The following UBE2W variants were observed in gnomAD, a reference collection of about 807,000 sequenced individuals.
The protein encoded by UBE2W is ubiquitin-conjugating enzyme E2 W.
Under a neutral mutation model 27.2 loss-of-function variants are expected in UBE2W, and 18 were observed. The observed-to-expected ratio is 0.66, with a 90% CI of 0.46 to 0.98. The LOEUF (loss-of-function observed/expected upper bound fraction) is 0.98, where lower values mean the gene tolerates loss of function less well. Ranked by LOEUF, UBE2W falls within the 50% of genes least tolerant of loss-of-function variation. The pLI is 0.00. For missense variants in UBE2W, 90 were observed against 180.2 expected (o/e 0.50, Z 2.87); for synonymous variants, 53 against 57.2 (o/e 0.93, Z 0.33).
downstream of UBE2W, among the ~76,000 whole-genome samples, chr8:73,782,333 T>C (rs1807861921): frequency 1.3e-5 from 2 of 152,160 alleles, 1 homozygote; most frequent in South Asian, 4.1e-4. Flanking sequence ...TATACCTCTG[T>C]GAAACCAAGA....
chr8:73,866,056 T>A (rs1177640140), intron 1 of UBE2W, among the ~76,000 whole-genome samples: 1 of 151,880 alleles, frequency 6.6e-6, no homozygotes, highest in African/African-American at 2.4e-5. Flanking sequence ...GGCAGGTGGA[T>A]CATGAGGTCA....
At chr8:73,813,083 C>CA (rs56094830) in intron 3 of UBE2W, among the ~76,000 whole-genome samples, 2,167 of 43,398 alleles carry the variant, frequency 0.05, 453 homozygotes, top group Admixed American at 0.06. Context: ...GAAAGTGCCA[C>CA]AAAAAAAAAA....
chr8:73,862,517 G>C (rs1475005763), intron 1 of UBE2W, among the ~76,000 whole-genome samples: 3 of 151,380 alleles, frequency 2.0e-5, no homozygotes, highest in African/African-American at 7.3e-5. Context: ...ATAGGCATGG[G>C]CAAGGACTTC....
At chr8:73,802,857 A>G (rs1808704559) in intron 5 of UBE2W, among the ~76,000 whole-genome samples, 1 of 152,064 alleles carries the variant, frequency 6.6e-6, no homozygotes, top group Non-Finnish European at 1.5e-5. Context: ...CCCCGTCTCT[A>G]CTAAAAATAC....
At position 73,788,709 on chromosome 8, in the gene UBE2W, T is replaced by C. The variant is rs1327898384; in HGVS notation, c.*5393A>G. ...CATTTTGAAATCATGCTTTTGCCTTTGAGAAAACAACTTAGAATTGTTGTA... is the reference window on the plus strand; with the variant it reads ...CATTTTGAAATCATGCTTTTGCCTTCGAGAAAACAACTTAGAATTGTTGTA... On this transcript the variant is annotated 3_prime_UTR_variant, in exon 6 of 6. Transcript: ENST00000602593. 1 of 985,270 alleles carries C rather than the reference T, an allele frequency of 1.0e-6. No homozygotes were observed. The highest frequency in any genetic ancestry group is 1.7e-5 in the African/African-American group (1 of 57,228). 61.0% of individuals were successfully genotyped at this position (985,270 alleles called of 1,614,324 possible).
rs188195936 is a variant in UBE2W, at chr8:73,839,992, T to C, written c.16-9520A>G. The stretch of plus-strand genomic sequence containing the variant: ...CTCCAGTGATCCACCTGCCTTGGCC[T>C]CCCAAAGCACTGGGATTACAGGTGT... On this transcript the variant is annotated intron_variant, in intron 1 of 5. Transcript: ENST00000602593. Among the ~76,000 whole-genome samples the C allele has an allele frequency of 1.6e-4, 24 of 152,096 alleles. 1 individual carries two copies. The highest frequency in any genetic ancestry group is 1.5e-3 in the Admixed American group (23 of 15,270).
chr8:73,799,830 G>A (rs752760778), intron 5 of UBE2W, among the ~76,000 whole-genome samples: 5 of 152,098 alleles, frequency 3.3e-5, no homozygotes, highest in Non-Finnish European at 7.3e-5. Context: ...AGTCACATAA[G>A]GAAACTGGCC....
chr8:73,866,088 C>T (rs974584216), intron 1 of UBE2W, among the ~76,000 whole-genome samples: 1 of 151,578 alleles, frequency 6.6e-6, no homozygotes, highest in African/African-American at 2.4e-5. Flanking sequence ...CCATCCTGGC[C>T]AACATGGTGA....
chr8:73,850,983 C>T (rs1009613609), intron 1 of UBE2W, among the ~76,000 whole-genome samples: 5 of 151,936 alleles, frequency 3.3e-5, no homozygotes, highest in African/African-American at 1.2e-4. Context: ...CCTCAGCCTC[C>T]CAAGTAGCTG....
intron 1 of UBE2W, among the ~76,000 whole-genome samples, chr8:73,872,438 G>A (rs1812040066): frequency 6.6e-6 from 1 of 152,140 alleles, no homozygotes; most frequent in African/African-American, 2.4e-5. Flanking sequence ...TTTTCTTGCT[G>A]CATGCGTTTG....
intron 1 of UBE2W, among the ~76,000 whole-genome samples, chr8:73,854,486 T>G (rs1811205206): frequency 6.6e-6 from 1 of 152,250 alleles, no homozygotes; most frequent in Non-Finnish European, 1.5e-5. Flanking sequence ...TGAGCATTAC[T>G]GTTAGAACAT....
chr8:73,868,566 G>A (rs1036508164), intron 1 of UBE2W, among the ~76,000 whole-genome samples: 5 of 152,316 alleles, frequency 3.3e-5, no homozygotes, highest in East Asian at 3.9e-4. Context: ...GACACAAGTC[G>A]TGGGTAACCT....
intron 1 of UBE2W, among the ~76,000 whole-genome samples, chr8:73,840,269 G>C (rs1201443677): frequency 6.6e-6 from 1 of 151,250 alleles, no homozygotes; most frequent in Non-Finnish European, 1.5e-5. Context: ...TGTTAGCCGG[G>C]ATGGTCTCTA....
At chr8:73,806,137 G>C (rs1808895010) in intron 4 of UBE2W, among the ~76,000 whole-genome samples, 1 of 151,870 alleles carries the variant, frequency 6.6e-6, no homozygotes, top group Non-Finnish European at 1.5e-5. Flanking sequence ...CCTGACAACA[G>C]AGCGAGACTC....
chr8:73,846,335 G>A (rs916478747), intron 1 of UBE2W, among the ~76,000 whole-genome samples: 10 of 152,084 alleles, frequency 6.6e-5, no homozygotes, highest in Admixed American at 4.6e-4. Context: ...GGCAGAGGTC[G>A]CAGTGAGTCA....
intron 5 of UBE2W, among the ~76,000 whole-genome samples, chr8:73,805,218 C>A (rs2130863283): frequency 6.6e-6 from 1 of 150,510 alleles, no homozygotes; most frequent in South Asian, 2.1e-4. Flanking sequence ...CTTTGGGATG[C>A]CCAGGTGGGC....
At chr8:73,847,381 A>G (rs1810856554) in intron 1 of UBE2W, among the ~76,000 whole-genome samples, 1 of 152,252 alleles carries the variant, frequency 6.6e-6, no homozygotes, top group Admixed American at 6.5e-5. Flanking sequence ...TGAAGTTCTC[A>G]TACATGGCTG....
rs370446657 is a variant in UBE2W at position 73,871,672 on chromosome 8, C to G, written c.15+7136G>C. 1.7e-4 allele frequency among the ~76,000 whole-genome samples: 26 copies of G among 152,188 alleles called. No homozygotes were observed. In the South Asian group the frequency reaches 5.4e-3, roughly 32 times the overall value. The stretch of plus-strand genomic sequence containing the variant: ...CACTTTAATACCTGACAAACATGAA[C>G]AAGTATTTTGCAGATACTACTCATA... On this transcript the variant is annotated intron_variant, in intron 1 of 5. Coordinates refer to ENST00000602593, the MANE Select transcript of UBE2W (RefSeq NM_018299.6).
chr8:73,850,105 T>C (rs1811009187), intron 1 of UBE2W, among the ~76,000 whole-genome samples: 2 of 152,066 alleles, frequency 1.3e-5, no homozygotes, highest in South Asian at 4.1e-4. Context: ...GATAACCGAA[T>C]TGAGAAAGTC....
Sources: gnomAD v4.1 joint callset for allele counts (sites outside exome capture counted in the v4.1 genomes callset) on GRCh38, gnomAD v4.1.1 for gene constraint, MANE v1.5 for transcripts, NCBI Gene and HGNC (gene_info 2026-07-23, HGNC 2026-07-21) for gene names.